The following RNF13 variants were observed in gnomAD, a reference collection of about 807,000 sequenced individuals.
RNF13 encodes ring finger protein 13, also known as E3 ubiquitin-protein ligase RNF13.
RNF13 carries 19 observed loss-of-function variants against 37.7 expected under a neutral mutation model. The ratio of observed to expected loss-of-function variants is 0.50; its 90% CI spans 0.35 to 0.74. The LOEUF is 0.74. Among genes scored for constraint, RNF13 ranks in the 30% least tolerant of loss-of-function variants. The pLI is 0.01. For missense variants in RNF13, 375 were observed against 453.0 expected (o/e 0.83, Z 1.56); for synonymous variants, 144 against 157.8 (o/e 0.91, Z 0.65).
chr3:149,860,661 A>G (rs1724163888), intron 3 of RNF13, among the ~76,000 whole-genome samples: 1 of 152,182 alleles, frequency 6.6e-6, no homozygotes, highest in Non-Finnish European at 1.5e-5. Context: ...CTATAAAACT[A>G]TTGGAAGAAA....
At chr3:149,958,353 G>A (rs1291545296) in intron 8 of RNF13, among the ~76,000 whole-genome samples, 5 of 152,120 alleles carry the variant, frequency 3.3e-5, no homozygotes, top group African/African-American at 1.2e-4. Flanking sequence ...TCCTTGACTT[G>A]TGACCCTTCT....
intron 3 of RNF13, among the ~76,000 whole-genome samples, chr3:149,869,610 A>C (rs919196947): frequency 6.6e-6 from 1 of 151,678 alleles, no homozygotes; most frequent in African/African-American, 2.4e-5. Context: ...CGCCTCAGAA[A>C]AAAAAAAAAG....
chr3:149,941,789 A>G (rs1326102286), intron 8 of RNF13, among the ~76,000 whole-genome samples: 1 of 151,172 alleles, frequency 6.6e-6, no homozygotes, highest in Non-Finnish European at 1.5e-5. Flanking sequence ...TTTTTCCCCT[A>G]TATTTTTTTC....
chr3:149,853,784 A>G (rs1195544144), intron 3 of RNF13, among the ~76,000 whole-genome samples: 1 of 148,988 alleles, frequency 6.7e-6, no homozygotes, highest in African/African-American at 2.5e-5. Context: ...AGTTGTGTGG[A>G]TATGTACCAT....
intron 8 of RNF13, among the ~76,000 whole-genome samples, chr3:149,929,855 T>C (rs1718997057): frequency 6.6e-6 from 1 of 152,182 alleles, no homozygotes; most frequent in Non-Finnish European, 1.5e-5. Context: ...TGTGAGTCTT[T>C]TTCTGGAATC....
chr3:149,865,170 T>C (rs1378935782), intron 3 of RNF13, among the ~76,000 whole-genome samples: 1 of 151,400 alleles, frequency 6.6e-6, no homozygotes, highest in Non-Finnish European at 1.5e-5. Context: ...CAGTGTGATC[T>C]AAGAAATAAA....
At chr3:149,948,255 T>G (rs1020024838) in intron 8 of RNF13, among the ~76,000 whole-genome samples, 3 of 152,198 alleles carry the variant, frequency 2.0e-5, no homozygotes, top group African/African-American at 7.2e-5. Context: ...GGTCCCCACG[T>G]GTTTTTAGAT....
In RNF13 at chr3:149,960,900, T is replaced by C. The variant is rs1386501795; in HGVS notation, c.942T>C (p.Pro314=). Residue 314 remains proline (P), a synonymous_variant, in exon 10 of 10, where the codon CCT becomes CCC. Coordinates refer to ENST00000392894, the MANE Select transcript of RNF13 (RefSeq NM_183381.3). Reference sequence around the variant, plus strand: ...CAGAACATACCCCTTTACTGAGACCTTTAGCTTCTGTCAGTGCCCAGTCAT... The same window carrying C: ...CAGAACATACCCCTTTACTGAGACCCTTAGCTTCTGTCAGTGCCCAGTCAT... ...EVTEHTPLLR[P]LASVSAQSFG... is the part of the protein sequence containing the mutation. 6.2e-7 allele frequency: 1 copy of C among 1,614,186 alleles called. No homozygotes were observed.
At chr3:149,854,639 C>T (rs997243570) in intron 3 of RNF13, among the ~76,000 whole-genome samples, 1 of 152,204 alleles carries the variant, frequency 6.6e-6, no homozygotes, top group Admixed American at 6.5e-5. Flanking sequence ...CCTTGCAGGA[C>T]TGGCTTTATA....
chr3:149,871,097 A>G (rs1711998429), intron 3 of RNF13, among the ~76,000 whole-genome samples: 1 of 141,476 alleles, frequency 7.1e-6, no homozygotes, highest in South Asian at 2.2e-4. Flanking sequence ...GCTGGAGTGC[A>G]GTGGCAGAAT....
chr3:149,813,874 C>T (rs1340932259), intron 1 of RNF13: 1 of 152,178 alleles, frequency 6.6e-6, no homozygotes, highest in East Asian at 1.9e-4. Context: ...GCAGCTCTGC[C>T]TGTATGCTTG....
At chr3:149,894,275 A>G (rs1159016204) in intron 4 of RNF13, among the ~76,000 whole-genome samples, 2 of 152,154 alleles carry the variant, frequency 1.3e-5, no homozygotes, top group Non-Finnish European at 2.9e-5. Flanking sequence ...AATGTAGAAG[A>G]TAATTTTTCT....
intron 4 of RNF13, among the ~76,000 whole-genome samples, chr3:149,876,562 GC>G (rs1309345296): frequency 2.6e-5 from 4 of 151,860 alleles, no homozygotes; most frequent in African/African-American, 9.7e-5. Context: ...TCTCTACTTT[GC>G]CACTCCTCCC....
At position 149,867,986 on chromosome 3, in the gene RNF13, C is replaced by T. The variant is rs987967875; in HGVS notation, c.196-4043C>T. Among the ~76,000 whole-genome samples the T allele has an allele frequency of 1.4e-4, 21 of 151,394 alleles. 1 individual carries two copies. On this transcript the variant is annotated intron_variant, in intron 3 of 9. Transcript: ENST00000392894. The stretch of plus-strand genomic sequence containing the variant: ...TGAGGCTTACAAAGCCATCTTATAA[C>T]AAGTAATTTAAAGGGTGACATTTTA...
At chr3:149,819,428 G>A (rs1481756120) in intron 1 of RNF13, among the ~76,000 whole-genome samples, 1 of 149,218 alleles carries the variant, frequency 6.7e-6, no homozygotes, top group African/African-American at 2.5e-5. Flanking sequence ...CTTAATAATG[G>A]ATCATAATAC....
chr3:149,925,637 G>C (rs1423694705), intron 8 of RNF13, among the ~76,000 whole-genome samples: 1 of 150,050 alleles, frequency 6.7e-6, no homozygotes, highest in Non-Finnish European at 1.5e-5. Context: ...TTTTTTTTCA[G>C]TTTAGGGCTA....
chr3:149,900,875 A>G (rs9844659), intron 5 of RNF13, among the ~76,000 whole-genome samples: 137,171 of 152,166 alleles, frequency 0.9, 61,924 homozygotes, highest in African/African-American at 0.94. Flanking sequence ...GAGAGAATGT[A>G]TGAGAGTTGA....
At chr3:149,884,591 AT>A (rs142517758) in intron 4 of RNF13, among the ~76,000 whole-genome samples, 2,388 of 149,688 alleles carry the variant, frequency 0.016, 61 homozygotes, top group African/African-American at 0.055. Flanking sequence ...ACCCATCTAC[AT>A]TTTTTTTTAG....
At chr3:149,818,749 T>G (rs1354815093) in intron 1 of RNF13, among the ~76,000 whole-genome samples, 2 of 151,984 alleles carry the variant, frequency 1.3e-5, no homozygotes, top group Admixed American at 1.3e-4. Context: ...CCATTTGTAC[T>G]AAAATACAGA....
Sources: allele counts gnomAD v4.1 joint callset (sites outside exome capture counted in the v4.1 genomes callset), GRCh38; gene constraint gnomAD v4.1.1; transcripts MANE v1.5; gene names NCBI Gene and HGNC (gene_info 2026-07-23, HGNC 2026-07-21).